Variants in STRIP1 observed in about 807,000 individuals in gnomAD.
STRIP1 encodes striatin-interacting protein 1.
Under a neutral mutation model 106.2 loss-of-function variants are expected in STRIP1, and 63 were observed. The observed-to-expected ratio is 0.59, with a 90% CI of 0.48 to 0.73. The LOEUF (loss-of-function observed/expected upper bound fraction) is 0.73, where lower values mean the gene tolerates loss of function less well. STRIP1 is among the 30% of genes least tolerant of loss of function. STRIP1 has a pLI of 0.00. For synonymous variants in STRIP1, 390 were observed against 413.0 expected (o/e 0.94, Z 0.67); for missense variants, 857 against 1,074.8 (o/e 0.80, Z 2.83).
chr1:110,040,586 C>T (rs200697476), intron 5 of STRIP1, 49 bp from the exon 6 acceptor site: 18 of 1,555,200 alleles, frequency 1.2e-5, no homozygotes, highest in East Asian at 4.7e-5. Flanking sequence ...AGGGACATCA[C>T]TTATCTTCCT....
intron 6 of STRIP1, 71 bp from the exon 7 acceptor site, chr1:110,041,465 C>G: frequency 2.8e-6 from 3 of 1,082,146 alleles, no homozygotes; most frequent in Middle Eastern, 2.2e-4. Context: ...TGTGTAAGCA[C>G]TTTGTTAGAC....
chr1:110,042,786 C>T (rs75358897), intron 8 of STRIP1: 78 of 268,528 alleles, frequency 2.9e-4, no homozygotes, highest in African/African-American at 1.5e-3. Flanking sequence ...TAGGAACTTG[C>T]AGGGTTAGGC....
At chr1:110,043,049 C>T (rs1451041272) in intron 8 of STRIP1, 39 bp from the exon 9 acceptor site, 1 of 1,568,354 alleles carries the variant, frequency 6.4e-7, no homozygotes. Context: ...AGCCTGTGGA[C>T]ACATTGACCC....
intron 1 of STRIP1, among the ~76,000 whole-genome samples, chr1:110,036,104 G>A (rs1049292734): frequency 4.6e-5 from 7 of 152,182 alleles, no homozygotes; most frequent in Non-Finnish European, 7.3e-5. Flanking sequence ...GAGTAGCTAC[G>A]AATGGTCAAA....
chr1:110,040,869 C>T (rs995457123), intron 6 of STRIP1, among the ~76,000 whole-genome samples, 166 bp downstream of exon 6: 1 of 152,142 alleles, frequency 6.6e-6, no homozygotes, highest in Non-Finnish European at 1.5e-5. Flanking sequence ...GCTGAGGGCT[C>T]GTCCTAGGTG....
rs1652880814 is a variant in STRIP1, at chr1:110,043,619, T to C, written c.1069-20T>C. 1.9e-6 allele frequency: 3 copies of C among 1,608,648 alleles called. No individual in the cohort carries two copies. The highest frequency in any genetic ancestry group is 2.7e-5 in the African/African-American group (2 of 74,956). ...GCGTCCTCAGTTGGCTCTTGTCTCA[T>C]CTCCCTTCCCTGGTTTCAGGCTCTG... On this transcript the variant is annotated intron_variant, in intron 9 of 20. Transcript: ENST00000369795.
intron 6 of STRIP1, chr1:110,041,306 C>T: frequency 2.3e-6 from 1 of 443,832 alleles, no homozygotes; most frequent in Non-Finnish European, 4.1e-6. Flanking sequence ...TTTGTTCTCA[C>T]TGTGACCCTG....
intron 1 of STRIP1, among the ~76,000 whole-genome samples, chr1:110,036,850 GTCTC>G (rs921557110): frequency 1.3e-5 from 2 of 152,088 alleles, no homozygotes; most frequent in African/African-American, 4.8e-5. Flanking sequence ...TTGAGACAGA[GTCTC>G]TGTCTGTCTC....
At chr1:110,039,069 C>A in intron 3 of STRIP1, 103 bp from the exon 4 acceptor site, 1 of 1,354,836 alleles carries the variant, frequency 7.4e-7, no homozygotes, top group South Asian at 1.3e-5. Flanking sequence ...TGTAACTTAT[C>A]TTTCTGGTCC....
chr1:110,046,606 G>A, intron 12 of STRIP1, 74 bp from the exon 13 acceptor site: 1 of 1,321,232 alleles, frequency 7.6e-7, no homozygotes, highest in Non-Finnish European at 1.1e-6. Context: ...AATGTGTGGG[G>A]ATTTTGCTAG....
rs1423546369 is a variant in STRIP1, at chr1:110,043,088, T to C, written c.886T>C (p.Cys296Arg). Residue 296 changes from cysteine to arginine, a missense_variant and splice_region_variant, in exon 9 of 21, where the codon TGC becomes CGC. By Grantham distance (180) the Cys-to-Arg change is radical. Transcript: ENST00000369795. ...VLLLLWKTVL[C>R]TLGGFEELQS... Reference sequence around the variant, plus strand: ...CTCTGCTTCCCTGTCTGTGATGCAGTGCACGCTAGGCGGCTTTGAGGAGCT... The same window carrying C: ...CTCTGCTTCCCTGTCTGTGATGCAGCGCACGCTAGGCGGCTTTGAGGAGCT... 3.1e-6 allele frequency: 5 copies of C among 1,609,748 alleles called. No individual in the cohort carries two copies. In the African/African-American group the frequency reaches 4.0e-5, roughly 13 times the overall value.
rs757134349 is a variant in STRIP1, at chr1:110,046,698, G to A, written c.1435G>A (p.Ala479Thr). The A allele has an allele frequency of 6.2e-6, 10 of 1,613,326 alleles. No individual in the cohort carries two copies. The Admixed American group carries it at 6.7e-5, about 11-fold the overall frequency. The change falls in exon 13 of 21, where the codon GCA (alanine) becomes ACA (threonine). Residue 479 changes from alanine (A) to threonine (T), a missense_variant. Coordinates refer to ENST00000369795, the MANE Select transcript of STRIP1 (RefSeq NM_033088.4). ...TLKQHKYTSI[A>T]EVQAQMEEEY... ...CCACCAGCACAAGTACACGTCGATT[G>A]CAGAGGTCCAGGCACAGATGGAGGA...
upstream of STRIP1, among the ~76,000 whole-genome samples, chr1:110,034,436 G>C (rs1652329028): frequency 6.6e-6 from 1 of 152,180 alleles, no homozygotes; most frequent in Admixed American, 6.5e-5. Flanking sequence ...AACTGAAACT[G>C]AAAGGAAGGT....
intron 13 of STRIP1, 44 bp downstream of exon 13, chr1:110,046,795 T>A: frequency 6.8e-7 from 1 of 1,469,776 alleles, no homozygotes; most frequent in African/African-American, 1.4e-5. Context: ...CTCACGCCTG[T>A]AATCCCAGCA....
Position 110,043,152 on chromosome 1 carries a change from T to A in STRIP1, c.950T>A (p.Leu317His). The A allele has an allele frequency of 6.2e-7, 1 of 1,613,858 alleles. No homozygotes were observed. Among genetic ancestry groups the A allele is most frequent in the Non-Finnish European group, 8.5e-7 (1 of 1,179,990 alleles). ...GCTGAGAAGCGCAGCATCCTGGGCC[T>A]CCCCCCGCTTCCTGAGGACAGCATC... ...MKAEKRSILG[L>H]PPLPEDSIKV... Residue 317 changes from leucine to histidine, a missense_variant, in exon 9 of 21, where the codon CTC (leucine) becomes CAC (histidine). Physicochemically the swap from Leu to His is moderately conservative, Grantham distance 99. Coordinates refer to ENST00000369795, the MANE Select transcript of STRIP1 (RefSeq NM_033088.4).
At chr1:110,050,302 C>G (rs762710362) in intron 17 of STRIP1, 41 bp from the exon 18 acceptor site, 3 of 1,607,552 alleles carry the variant, frequency 1.9e-6, no homozygotes, top group Non-Finnish European at 2.6e-6. Flanking sequence ...GGCCCTGGGC[C>G]TTTGCTCATG....
chr1:110,050,173 T>C (rs1653225002), intron 17 of STRIP1, 170 bp from the exon 18 acceptor site: 1 of 621,492 alleles, frequency 1.6e-6, no homozygotes, highest in Non-Finnish European at 2.9e-6. Flanking sequence ...TTGTAACAGA[T>C]ATTTCCTCAT....
At chr1:110,037,822 C>T in intron 1 of STRIP1, 69 bp from the exon 2 acceptor site, 1 of 1,125,332 alleles carries the variant, frequency 8.9e-7, no homozygotes, top group Non-Finnish European at 1.3e-6. Context: ...ACAACAGCAT[C>T]TCGAAGCATG....
At chr1:110,050,308 T>C (rs892046478) in intron 17 of STRIP1, 35 bp from the exon 18 acceptor site, 1 of 1,611,690 alleles carries the variant, frequency 6.2e-7, no homozygotes, top group Non-Finnish European at 8.5e-7. Flanking sequence ...GGGCCTTTGC[T>C]CATGGTGGGC....
Sources: allele counts gnomAD v4.1 joint callset (sites outside exome capture counted in the v4.1 genomes callset), GRCh38; gene constraint gnomAD v4.1.1; transcripts MANE v1.5; gene names NCBI Gene and HGNC (gene_info 2026-07-23, HGNC 2026-07-21).